Variants in DCBLD1 observed in about 807,000 individuals in gnomAD.
DCBLD1 encodes discoidin, CUB and LCCL domain containing 1.
Under a neutral mutation model 71.5 loss-of-function variants are expected in DCBLD1, and 57 were observed. The observed-to-expected ratio is 0.80, with a 90% CI of 0.64 to 0.99. The LOEUF (loss-of-function observed/expected upper bound fraction) is 0.99. Ranked by LOEUF, DCBLD1 falls within the 50% of genes least tolerant of loss-of-function variation. The pLI is 0.00. For missense variants in DCBLD1, 891 were observed against 923.5 expected, an observed-to-expected ratio of 0.96 and a Z score of 0.46; for synonymous variants, 380 against 363.8, an observed-to-expected ratio of 1.04 and a Z score of -0.51.
intron 10 of DCBLD1, 32 bp from the exon 11 acceptor site, chr6:117,540,886 A>G (rs200242389): frequency 8.1e-6 from 13 of 1,613,974 alleles, no homozygotes; most frequent in Middle Eastern, 1.6e-4. Flanking sequence ...ATTGTTACTC[A>G]TGTGGTTTTC....
chr6:117,566,901 G>A, intron 14 of DCBLD1: 1 of 1,606,022 alleles, frequency 6.2e-7, no homozygotes, highest in Non-Finnish European at 8.5e-7. Context: ...ACTAGCACCA[G>A]GGTTACCACC....
At chr6:117,551,675 G>A (rs375260021), downstream of DCBLD1, among the ~76,000 whole-genome samples, 53 of 152,264 alleles carry the variant, frequency 3.5e-4, no homozygotes, top group Admixed American at 7.8e-4. Flanking sequence ...CACCGCGCCC[G>A]GCTTCCCTTT....
At chr6:117,520,033 A>G in intron 3 of DCBLD1, 83 bp downstream of exon 3, 2 of 1,579,416 alleles carry the variant, frequency 1.3e-6, no homozygotes, top group Non-Finnish European at 1.7e-6. Context: ...CCCTGGACAT[A>G]ATTGTGGACT....
chr6:117,500,253 T>G (rs1777608997), intron 1 of DCBLD1, among the ~76,000 whole-genome samples: 1 of 152,212 alleles, frequency 6.6e-6, no homozygotes, highest in African/African-American at 2.4e-5. Context: ...CACAGAAAAC[T>G]CCATAAATAG....
rs766652640 is a variant in DCBLD1 at position 117,519,969 on chromosome 6, C to T, written c.460+19C>T. 4.3e-6 allele frequency: 7 copies of T among 1,611,938 alleles called. No individual in the cohort carries two copies. The highest frequency in any genetic ancestry group is 2.7e-5 in the African/African-American group (2 of 74,896). ...CATCCAGGTATAACGGAAGAATCAA[C>T]ACAAATCTCTAAATGTTATCTGTCT... On this transcript the variant is annotated intron_variant, in intron 3 of 14. Transcript: ENST00000338728.
intron 8 of DCBLD1, 93 bp downstream of exon 8, chr6:117,538,928 C>A: frequency 8.1e-7 from 1 of 1,240,384 alleles, no homozygotes; most frequent in Non-Finnish European, 1.1e-6. Flanking sequence ...TACATAGGTG[C>A]TTCTCTACCT....
intron 14 of DCBLD1, among the ~76,000 whole-genome samples, chr6:117,568,439 G>C (rs11755139): frequency 0.036 from 5,422 of 152,230 alleles, 128 homozygotes; most frequent in Non-Finnish European, 0.051. Flanking sequence ...ATTTTAATAT[G>C]TGCTTAGTTA....
chr6:117,489,731 A>G (rs1157481424), intron 1 of DCBLD1, among the ~76,000 whole-genome samples: 3 of 152,118 alleles, frequency 2.0e-5, no homozygotes. Context: ...TAAAAATACA[A>G]AAAATTAGCC....
chr6:117,538,117 C>G (rs768596421), intron 7 of DCBLD1, among the ~76,000 whole-genome samples: 33 of 152,282 alleles, frequency 2.2e-4, no homozygotes, highest in Middle Eastern at 3.4e-3. Flanking sequence ...TTTATTGCTG[C>G]CTTCACATTG....
At chr6:117,563,712 ACT>A (rs980561476) in intron 14 of DCBLD1, among the ~76,000 whole-genome samples, 4 of 151,584 alleles carry the variant, frequency 2.6e-5, no homozygotes, top group Non-Finnish European at 5.9e-5. Flanking sequence ...ACAGAGTGAA[ACT>A]CTGTCTCGAT....
At chr6:117,547,864 C>T (rs775214355) in intron 14 of DCBLD1, 43 bp from the exon 15 acceptor site, 3 of 1,550,160 alleles carry the variant, frequency 1.9e-6, no homozygotes, top group Admixed American at 2.0e-5. Context: ...CAGGCCGGCC[C>T]GTGTGTGGTG....
intron 4 of DCBLD1, among the ~76,000 whole-genome samples, chr6:117,523,502 C>T (rs1189263511): frequency 6.6e-6 from 1 of 152,076 alleles, no homozygotes; most frequent in Non-Finnish European, 1.5e-5. Context: ...GCAGACCCCA[C>T]CAGCGTATTA....
In DCBLD1 at chr6:117,540,760, A is replaced by C; in HGVS notation, c.1194A>C (p.Thr398=). 6.2e-7 allele frequency: 1 copy of C among 1,614,218 alleles called. No homozygotes were observed. Among genetic ancestry groups the C allele is most frequent in the Non-Finnish European group, 8.5e-7 (1 of 1,180,034 alleles). Residue 398 remains threonine (T), a synonymous_variant, in exon 10 of 15, where the codon ACA becomes ACC. Transcript: ENST00000338728. ...VARYVRVVPQ[T]WHQRIALKVE... The stretch of plus-strand genomic sequence containing the variant: ...GATATGTGCGGGTTGTCCCCCAGAC[A>C]TGGCACCAGAGGATAGCCTTGAAGG...
intron 11 of DCBLD1, among the ~76,000 whole-genome samples, chr6:117,542,434 G>C (rs1779129545): frequency 6.6e-6 from 1 of 151,910 alleles, no homozygotes; most frequent in African/African-American, 2.4e-5. Flanking sequence ...TTCTTCCCAG[G>C]GATCACAGAA....
chr6:117,533,150 TTCTC>T (rs1304433858), intron 6 of DCBLD1, among the ~76,000 whole-genome samples: 3 of 152,196 alleles, frequency 2.0e-5, no homozygotes, highest in Admixed American at 6.5e-5. Flanking sequence ...GCCACTGTAT[TTCTC>T]TCTCTCATTC....
intron 14 of DCBLD1, among the ~76,000 whole-genome samples, chr6:117,546,341 T>C (rs1006949955): frequency 5.3e-5 from 8 of 152,176 alleles, no homozygotes; most frequent in African/African-American, 1.9e-4. Flanking sequence ...CACTGCGCTC[T>C]GGCTTCTCCC....
At position 117,491,039 on chromosome 6, in the gene DCBLD1, A is replaced by T. The variant is rs576216603; in HGVS notation, c.112+8146A>T. Among the ~76,000 whole-genome samples the T allele has an allele frequency of 9.8e-5, 15 of 152,340 alleles. No homozygotes were observed. In the South Asian group the frequency reaches 2.9e-3, roughly 29 times the overall value. ...ATGTCCAGTTAAATTTGAATTACCA[A>T]GGCATAAAATTTCCTACAGGGAAAA... On this transcript the variant is annotated intron_variant, in intron 1 of 14. Coordinates refer to ENST00000338728, the MANE Select transcript of DCBLD1 (RefSeq NM_001366458.2).
At chr6:117,538,997 A>G (rs1778999773) in intron 8 of DCBLD1, 162 bp downstream of exon 8, 6 of 854,612 alleles carry the variant, frequency 7.0e-6, no homozygotes, top group Non-Finnish European at 8.9e-6. Context: ...TTTCTGTGAA[A>G]AGAATCTGTA....
In DCBLD1 at chr6:117,503,933, C is replaced by T. The variant is rs745485545; in HGVS notation, c.279C>T (p.Thr93=). The T allele has an allele frequency of 1.1e-5, 17 of 1,614,132 alleles. No individual in the cohort carries two copies. The highest frequency in any genetic ancestry group is 1.4e-5 in the Non-Finnish European group (17 of 1,179,998). ...RLGDLDIESQ[T]CASDYLLFTS... ...GAGATTTGGATATCGAATCCCAGAC[C>T]TGTGCTTCTGACTATCTTCTCTTCA... Residue 93 remains threonine, a synonymous_variant, in exon 2 of 15, where the codon ACC becomes ACT. Transcript: ENST00000338728.
Sources: gnomAD v4.1 joint callset for allele counts (sites outside exome capture counted in the v4.1 genomes callset) on GRCh38, gnomAD v4.1.1 for gene constraint, MANE v1.5 for transcripts, NCBI Gene and HGNC (gene_info 2026-07-23, HGNC 2026-07-21) for gene names.